PTGS2: variants seen among roughly 807,000 people sequenced by gnomAD.
PTGS2 encodes the protein prostaglandin G/H synthase 2.
In PTGS2, 14 loss-of-function variants were observed where a neutral mutation model predicts 63.8. The observed-to-expected ratio is 0.22, with a 90% CI of 0.14 to 0.34. The LOEUF (loss-of-function observed/expected upper bound fraction) is 0.34, where lower values mean the gene tolerates loss of function less well. Ranked by LOEUF, PTGS2 falls within the 10% of genes least tolerant of loss-of-function variation. PTGS2 has a pLI of 1.00. For missense variants in PTGS2, 533 were observed against 738.5 expected, an observed-to-expected ratio of 0.72 and a Z score of 3.23; for synonymous variants, 271 against 259.5, an observed-to-expected ratio of 1.04 and a Z score of -0.43.
chr1:186,674,326 A>G lies in PTGS2; in HGVS notation c.*27T>C. Reference sequence around the variant, plus strand: ...TTAAATTAATAGACATGGTTCATATAAATAAATAAATATGATCATTAGACT... The same window carrying G: ...TTAAATTAATAGACATGGTTCATATGAATAAATAAATATGATCATTAGACT... On this transcript the variant is annotated 3_prime_UTR_variant, in exon 10 of 10. Transcript: ENST00000367468. 1 of 1,364,562 alleles carries G rather than the reference A, an allele frequency of 7.3e-7. No individual in the cohort carries two copies. Among genetic ancestry groups the G allele is most frequent in the Non-Finnish European group, 9.8e-7 (1 of 1,019,390 alleles). 84.5% of individuals were successfully genotyped at this position (1,364,562 alleles called of 1,614,324 possible).
At chr1:186,680,156 G>A in intron 1 of PTGS2, 83 bp downstream of exon 1, 1 of 1,543,612 alleles carries the variant, frequency 6.5e-7, no homozygotes, top group Non-Finnish European at 8.8e-7. Flanking sequence ...TCGGAGTACT[G>A]GGATAGACCC....
Position 186,676,679 on chromosome 1 carries a change from T to C in PTGS2, c.758A>G (p.Lys253Arg), listed in dbSNP as rs369291855. ...IDGEMYPPTV[K>R]DTQAEMIYPP... ...GTAGATCATCTCTGCCTGAGTATCT[T>C]TGACTGTGGGAGGATACATCTCTCC... The change falls in exon 7 of 10, where the codon AAA becomes AGA. Residue 253 changes from lysine to arginine, a missense_variant. Physicochemically the swap from Lys to Arg is conservative, Grantham distance 26. Coordinates refer to ENST00000367468, the MANE Select transcript of PTGS2 (RefSeq NM_000963.4). The C allele has an allele frequency of 6.2e-7, 1 of 1,613,896 alleles. No homozygotes were observed. Among genetic ancestry groups the C allele is most frequent in the Non-Finnish European group, 8.5e-7 (1 of 1,179,840 alleles).
At chr1:186,675,689 G>C in intron 8 of PTGS2, 1 of 615,080 alleles carries the variant, frequency 1.6e-6, no homozygotes, top group South Asian at 2.5e-5. Flanking sequence ...TTAAGGTAGG[G>C]GTACAATTTG....
At chr1:186,674,936 C>T (rs1665753200) in intron 9 of PTGS2, among the ~76,000 whole-genome samples, 174 bp from the exon 10 acceptor site, 3 of 152,314 alleles carry the variant, frequency 2.0e-5, no homozygotes, top group Admixed American at 6.5e-5. Flanking sequence ...CCCAGCACTT[C>T]GGGAGGCCGA....
chr1:186,674,871 C>T, intron 9 of PTGS2, 109 bp from the exon 10 acceptor site: 1 of 1,308,054 alleles, frequency 7.6e-7, no homozygotes. Flanking sequence ...TTCCATTTGA[C>T]CCCTGATTCT....
At chr1:186,677,426 G>T (rs1342025817) in intron 5 of PTGS2, among the ~76,000 whole-genome samples, 2 of 151,768 alleles carry the variant, frequency 1.3e-5, no homozygotes, top group Non-Finnish European at 2.9e-5. Flanking sequence ...ATGTATGTGT[G>T]TGAATGTTTA....
chr1:186,678,936 A>T, intron 3 of PTGS2, 122 bp downstream of exon 3: 1 of 1,256,792 alleles, frequency 8.0e-7, no homozygotes, highest in Non-Finnish European at 1.1e-6. Flanking sequence ...AGGCAAACTT[A>T]AAAGCTATCT....
In PTGS2 at chr1:186,674,468, C is replaced by G; in HGVS notation, c.1700G>C (p.Ser567Thr). The part of the protein sequence containing the change: ...NVKGCPFTSF[S>T]VPDPELIKTV... ...TTTAATGAGCTCTGGATCTGGAACA[C>G]TGAATGAAGTAAAGGGACAGCCCTT... The change falls in exon 10 of 10, where the codon AGT becomes ACT. Residue 567 changes from serine to threonine, a missense_variant. Ser to Thr is a moderately conservative substitution (Grantham distance 58). This residue lies in a region of PTGS2 where 219 missense variants were observed against 267.4 expected (regional missense o/e 0.82). Transcript: ENST00000367468. The G allele has an allele frequency of 1.9e-6, 3 of 1,614,106 alleles. No homozygotes were observed.
In PTGS2 at chr1:186,672,690, A is replaced by T; in HGVS notation, c.*1663T>A. The T allele has an allele frequency of 6.5e-6, 1 of 152,702 alleles. No homozygotes were observed. The allele number at this position is 152,702 out of a possible 1,614,324, so 9.5% of individuals were successfully genotyped here. A position where few individuals can be genotyped will look rare whatever the true frequency, so the allele number is the denominator to read the frequency against. On this transcript the variant is annotated 3_prime_UTR_variant, in exon 10 of 10. Coordinates refer to ENST00000367468, the MANE Select transcript of PTGS2 (RefSeq NM_000963.4). Reference sequence around the variant, plus strand: ...TTATTATTATTGCTGAGAACTACTTAGATATCATTTGGTTTTGTTTTTAAA... The same window carrying T: ...TTATTATTATTGCTGAGAACTACTTTGATATCATTTGGTTTTGTTTTTAAA...
rs1180491348 is a variant in PTGS2 at position 186,674,473 on chromosome 1, T to C, written c.1695A>G (p.Ser565=). The C allele has an allele frequency of 1.9e-6, 3 of 1,614,168 alleles. No homozygotes were observed. Among genetic ancestry groups the C allele is most frequent in the Admixed American group, 3.3e-5 (2 of 60,008 alleles). The change falls in exon 10 of 10, where the codon TCA becomes TCG. Residue 565 remains serine, a synonymous_variant. Transcript: ENST00000367468. ...TGAGCTCTGGATCTGGAACACTGAA[T>C]GAAGTAAAGGGACAGCCCTTCACGT... is the stretch of plus-strand genomic sequence containing the variant. The part of the protein sequence containing the change: ...CNNVKGCPFT[S]FSVPDPELIK...
chr1:186,677,905 A>G, intron 4 of PTGS2, 75 bp from the exon 5 acceptor site: 1 of 1,374,842 alleles, frequency 7.3e-7, no homozygotes, highest in Non-Finnish European at 1.0e-6. Context: ...CAATCTACCA[A>G]GAATTCTTCA....
At chr1:186,674,951 G>A (rs1665753684) in intron 9 of PTGS2, among the ~76,000 whole-genome samples, 189 bp from the exon 10 acceptor site, 1 of 152,228 alleles carries the variant, frequency 6.6e-6, no homozygotes, top group African/African-American at 2.4e-5. Context: ...GGCCGAAGCC[G>A]GCGGATCACT....
Position 186,674,713 on chromosome 1 carries a change from A to T in PTGS2, c.1455T>A (p.Asp485Glu). The change falls in exon 10 of 10, where the codon GAT becomes GAA. Residue 485 changes from aspartate to glutamate, a missense_variant. Coordinates refer to ENST00000367468, the MANE Select transcript of PTGS2 (RefSeq NM_000963.4). ...GAAGGGCAGGATACAGCTCCACAGC[A>T]TCGATGTCACCATAGAGTGCTTCCA... ...AELEALYGDI[D>E]AVELYPALLV... 6.2e-7 allele frequency: 1 copy of T among 1,614,190 alleles called. No homozygotes were observed. Among genetic ancestry groups the T allele is most frequent in the Non-Finnish European group, 8.5e-7 (1 of 1,180,012 alleles).
chr1:186,676,916 C>T lies in PTGS2; in HGVS notation c.640G>A (p.Val214Met). 6.2e-7 allele frequency: 1 copy of T among 1,600,234 alleles called. No homozygotes were observed. Among genetic ancestry groups the T allele is most frequent in the Non-Finnish European group, 8.5e-7 (1 of 1,174,512 alleles). ...TCACCGTAAATATGATTTAAGTCCA[C>T]CTAGAAAATGATGAAAAAATTTTAA... ...PAFTNGLGHG[V>M]DLNHIYGETL... is the part of the protein sequence containing the mutation. Residue 214 changes from valine (V) to methionine (M), a missense_variant and splice_region_variant, in exon 6 of 10, where the codon GTG (valine) becomes ATG (methionine). Val to Met is a conservative substitution (Grantham distance 21). Coordinates refer to ENST00000367468, the MANE Select transcript of PTGS2 (RefSeq NM_000963.4).
At chr1:186,675,737 A>G in intron 8 of PTGS2, 161 bp downstream of exon 8, 1 of 827,886 alleles carries the variant, frequency 1.2e-6, no homozygotes, top group South Asian at 2.1e-5. Flanking sequence ...CTAAAAGTTT[A>G]GACTTTTCAA....
rs530101544 is a variant in PTGS2, at chr1:186,675,819, T to G, written c.1257+79A>C. The stretch of plus-strand genomic sequence containing the variant: ...TAACTAACTACTCTTTTAGTAAGTT[T>G]AAGAAAAATAATTTCCGTGGCAGAA... On this transcript the variant is annotated intron_variant, in intron 8 of 9. Transcript: ENST00000367468. 74 of 1,378,900 alleles carry G rather than the reference T, an allele frequency of 5.4e-5. No homozygotes were observed. The South Asian group carries it at 1.0e-3, about 19-fold the overall frequency. 85.4% of individuals were successfully genotyped at this position (1,378,900 alleles called of 1,614,324 possible).
At chr1:186,678,965 C>T in intron 3 of PTGS2, 93 bp downstream of exon 3, 1 of 1,425,602 alleles carries the variant, frequency 7.0e-7, no homozygotes, top group Non-Finnish European at 9.4e-7. Flanking sequence ...TTTTGATAAG[C>T]TTGGAAATAT....
intron 1 of PTGS2, 37 bp from the exon 2 acceptor site, chr1:186,679,475 T>G: frequency 1.4e-6 from 2 of 1,406,248 alleles, no homozygotes; most frequent in Non-Finnish European, 2.0e-6. Flanking sequence ...CATTCTCTAG[T>G]GTCTTAATCT....
chr1:186,675,228 A>C (rs200678203), intron 9 of PTGS2, 21 bp downstream of exon 9: 26 of 1,597,302 alleles, frequency 1.6e-5, no homozygotes, highest in Non-Finnish European at 2.0e-5. Flanking sequence ...AAAACGAAGA[A>C]GTTTAGAAAC....
Sources: allele counts gnomAD v4.1 joint callset (sites outside exome capture counted in the v4.1 genomes callset), GRCh38; gene constraint gnomAD v4.1.1; regional missense constraint gnomAD v4.1.1; transcripts MANE v1.5; gene names NCBI Gene and HGNC (gene_info 2026-07-23, HGNC 2026-07-21).